Variants in EML1 observed in about 807,000 individuals in gnomAD.
EML1 encodes the protein EMAP like 1.
Under a neutral mutation model 110.4 loss-of-function variants are expected in EML1, and 27 were observed. The observed-to-expected ratio is 0.24, with a 90% confidence interval of 0.18 to 0.34. EML1 has a LOEUF of 0.34. Among genes scored for constraint, EML1 ranks in the 10% least tolerant of loss-of-function variants. The probability of loss-of-function intolerance (pLI) is 1.00; values close to 1 mark genes in which losing one functional copy is unlikely to be tolerated. For synonymous variants in EML1, 344 were observed against 385.8 expected, an observed-to-expected ratio of 0.89 and a Z score of 1.27; for missense variants, 741 against 1,030.9, an observed-to-expected ratio of 0.72 and a Z score of 3.85.
At chr14:99,835,536 A>G (rs2058526091) in intron 1 of EML1, among the ~76,000 whole-genome samples, 1 of 151,986 alleles carries the variant, frequency 6.6e-6, no homozygotes, top group African/African-American at 2.4e-5. Context: ...TCTTAAGTGG[A>G]TGCTGAGATC....
At chr14:99,920,663 CTTA>C in intron 16 of EML1, 123 bp from the exon 17 acceptor site, 1 of 738,518 alleles carries the variant, frequency 1.4e-6, no homozygotes, top group Non-Finnish European at 2.1e-6. Context: ...AACAAGCTTT[CTTA>C]TTAAGCAAAT....
At chr14:99,870,650 A>G (rs2059182543) in intron 3 of EML1, among the ~76,000 whole-genome samples, 1 of 152,210 alleles carries the variant, frequency 6.6e-6, no homozygotes, top group South Asian at 2.1e-4. Context: ...TTATCATTCC[A>G]AAAATCCTAG....
At chr14:99,821,623 C>CT (rs2058264289) in intron 1 of EML1, among the ~76,000 whole-genome samples, 1 of 152,212 alleles carries the variant, frequency 6.6e-6, no homozygotes. Context: ...CATCTTTTGA[C>CT]ATCCAGGGCT....
chr14:99,785,471 T>C (rs1025631196), intron 1 of EML1, among the ~76,000 whole-genome samples: 1 of 152,220 alleles, frequency 6.6e-6, no homozygotes, highest in Non-Finnish European at 1.5e-5. Flanking sequence ...ACTGTTCAGT[T>C]ACTGTGAATA....
At chr14:99,738,420 C>G (rs575296437) in intron 1 of EML1, among the ~76,000 whole-genome samples, 294 of 152,370 alleles carry the variant, frequency 1.9e-3, no homozygotes, top group Non-Finnish European at 2.8e-3. Context: ...GCCCACTGCC[C>G]TTTGCTCTGC....
At chr14:99,793,377 C>A, upstream of EML1, 1 of 994,628 alleles carries the variant, frequency 1.0e-6, no homozygotes, top group Non-Finnish European at 1.2e-6. Context: ...CAGGGCCGGC[C>A]CCAGCGCCAG....
chr14:99,745,977 T>A (rs2057103042), intron 1 of EML1, among the ~76,000 whole-genome samples: 1 of 152,214 alleles, frequency 6.6e-6, no homozygotes, highest in Non-Finnish European at 1.5e-5. Flanking sequence ...CTGGTGTCCT[T>A]GTCCTTAGGG....
At chr14:99,857,935 C>G (rs1043844639) in intron 2 of EML1, among the ~76,000 whole-genome samples, 1 of 152,062 alleles carries the variant, frequency 6.6e-6, no homozygotes, top group Non-Finnish European at 1.5e-5. Context: ...ACTCCTAGAC[C>G]CATGCCTAAG....
intron 1 of EML1, among the ~76,000 whole-genome samples, chr14:99,753,207 G>A (rs867112447): frequency 0.016 from 371 of 23,666 alleles, 5 homozygotes; most frequent in Middle Eastern, 0.094. Context: ...CCCCCCCGCC[G>A]CCCCCCCACC....
rs1426458554 is a variant in EML1 at position 99,878,523 on chromosome 14, C to G, written c.422C>G (p.Pro141Arg). ...ACCAGCTCTTCTGAACGAGTGTCTC[C>G]TGGGGGTCGAAGGGAAAGCAATGGG... ...KRTSSSERVS[P>R]GGRRESNGDS... Residue 141 changes from proline (P) to arginine (R), a missense_variant, in exon 4 of 22, where the codon CCT becomes CGT. This residue lies in a region of EML1 where 226 missense variants were observed against 255.6 expected (regional missense o/e 0.88). Transcript: ENST00000262233. The G allele has an allele frequency of 6.2e-7, 1 of 1,614,014 alleles. No individual in the cohort carries two copies. The highest frequency in any genetic ancestry group is 1.7e-5 in the Admixed American group (1 of 59,988).
chr14:99,804,714 A>G (rs2057940323), intron 1 of EML1, among the ~76,000 whole-genome samples: 1 of 152,210 alleles, frequency 6.6e-6, no homozygotes, highest in South Asian at 2.1e-4. Flanking sequence ...AGTGCAGAGC[A>G]AAGGCCTTTC....
At chr14:99,878,428 C>A in intron 3 of EML1, 57 bp from the exon 4 acceptor site, 1 of 1,546,160 alleles carries the variant, frequency 6.5e-7, no homozygotes, top group Non-Finnish European at 8.7e-7. Context: ...GTATGCTTAG[C>A]AATAAAATAA....
chr14:99,885,978 A>G (rs2059467017), intron 4 of EML1: 2 of 436,574 alleles, frequency 4.6e-6, no homozygotes, highest in South Asian at 1.7e-5. Context: ...TAAGCTGGGA[A>G]GTATTGGTTG....
At chr14:99,776,906 C>A (rs192541516) in intron 1 of EML1, among the ~76,000 whole-genome samples, 6 of 152,290 alleles carry the variant, frequency 3.9e-5, no homozygotes, top group Admixed American at 2.6e-4. Flanking sequence ...GAGCTTCAAC[C>A]ACTGTTGTCC....
chr14:99,887,586 T>C (rs535729483), intron 4 of EML1, among the ~76,000 whole-genome samples: 9 of 152,278 alleles, frequency 5.9e-5, no homozygotes, highest in African/African-American at 1.7e-4. Context: ...TGAGGGGATG[T>C]TAAGTCACCC....
intron 1 of EML1, among the ~76,000 whole-genome samples, chr14:99,821,682 G>T (rs923374071): frequency 1.3e-5 from 2 of 152,188 alleles, no homozygotes; most frequent in Non-Finnish European, 2.9e-5. Context: ...GAAGCAGATT[G>T]TGCCACTGCA....
intron 1 of EML1, among the ~76,000 whole-genome samples, chr14:99,752,105 C>T (rs762210234): frequency 3.9e-5 from 6 of 152,142 alleles, no homozygotes; most frequent in East Asian, 3.9e-4. Flanking sequence ...CGCCCCACCG[C>T]GCAGGGCTGA....
Position 99,781,073 on chromosome 14 carries a change from G to A in EML1, c.-27+7060G>A, listed in dbSNP as rs976699152. On this transcript the variant is annotated intron_variant, in intron 1 of 22. Transcript: ENST00000327921. The surrounding 1 kb of genome is among the most constrained non-coding windows in gnomAD (Gnocchi z 4.2). ...TGAAGCATCTCTCCTTCTTTCCAAG[G>A]ACACGCGCCCCTGCCCCCAGAATAC... Among the ~76,000 whole-genome samples the A allele has an allele frequency of 2.6e-5, 4 of 151,964 alleles. No homozygotes were observed. Among genetic ancestry groups the A allele is most frequent in the African/African-American group, 7.3e-5 (3 of 41,342 alleles).
At chr14:99,796,936 T>TGTGTGTGTGTGTGTGTGTGAGAGA (rs368044152) in intron 1 of EML1, among the ~76,000 whole-genome samples, 1 of 150,030 alleles carries the variant, frequency 6.7e-6, no homozygotes, top group Non-Finnish European at 1.5e-5. Flanking sequence ...TGTGTGTGTG[T>TGTGTGTGTGTGTGTGTGTGAGAGA]GAGAGAGTAA....
Sources: gnomAD v4.1 joint callset for allele counts (sites outside exome capture counted in the v4.1 genomes callset) on GRCh38, gnomAD v4.1.1 for gene constraint, gnomAD v4.1.1 regional missense constraint, Gnocchi (gnomAD v3.1) non-coding constraint, MANE v1.5 for transcripts, NCBI Gene and HGNC (gene_info 2026-07-23, HGNC 2026-07-21) for gene names.